Variants in EEF2K observed in about 807,000 individuals in gnomAD.
EEF2K encodes the protein alternative protein EEF2K.
Under a neutral mutation model 93.8 loss-of-function variants are expected in EEF2K, and 70 were observed. The ratio of observed to expected loss-of-function variants is 0.75; its 90% CI spans 0.62 to 0.91. The LOEUF (loss-of-function observed/expected upper bound fraction) is 0.91, where lower values mean the gene tolerates loss of function less well. Among genes scored for constraint, EEF2K ranks in the 40% least tolerant of loss-of-function variants. The pLI is 0.00. For missense variants in EEF2K, 935 were observed against 972.9 expected (o/e 0.96, Z 0.52); for synonymous variants, 376 against 380.8 (o/e 0.99, Z 0.15).
At position 22,285,772 on chromosome 16, in the gene EEF2K, C is replaced by G. The variant is rs1300785176; in HGVS notation, c.*1776C>G. ...AGCAGAGTATAACATACAAACCATT[C>G]TTAACTATTCATTAAAATGGGTCCT... On this transcript the variant is annotated 3_prime_UTR_variant, in exon 18 of 18. Transcript: ENST00000263026. 6.6e-6 allele frequency: 1 copy of G among 152,536 alleles called. No individual in the cohort carries two copies. Among genetic ancestry groups the G allele is most frequent in the Non-Finnish European group, 1.5e-5 (1 of 68,036 alleles). 9.4% of individuals were successfully genotyped at this position (152,536 alleles called of 1,614,324 possible).
chr16:22,235,912 C>T (rs571885221), intron 2 of EEF2K, among the ~76,000 whole-genome samples: 1 of 152,132 alleles, frequency 6.6e-6, no homozygotes, highest in South Asian at 2.1e-4. Flanking sequence ...ATCCTCCCAC[C>T]CCAGCTCCCC....
At chr16:22,219,027 GA>G (rs10707584) in intron 1 of EEF2K, among the ~76,000 whole-genome samples, 64,384 of 151,436 alleles carry the variant, frequency 0.43, 15,585 homozygotes, top group East Asian at 0.88. Context: ...AAGCTTTCAA[GA>G]AAAATCCTGA....
Position 22,257,715 on chromosome 16 carries a change from C to T in EEF2K, c.974C>T (p.Pro325Leu), listed in dbSNP as rs1219770042. Residue 325 changes from proline (P) to leucine (L), a missense_variant, in exon 9 of 18, where the codon CCC becomes CTC. Coordinates refer to ENST00000263026, the MANE Select transcript of EEF2K (RefSeq NM_013302.5). ...ATTTGCGAGAGCATGGGCCTTGCTC[C>T]CTTTGACCTCTCGCCCCGGGAGAGG... ...NRICESMGLA[P>L]FDLSPRERDA... The T allele has an allele frequency of 6.2e-7, 1 of 1,614,024 alleles. No homozygotes were observed. Among genetic ancestry groups the T allele is most frequent in the Non-Finnish European group, 8.5e-7 (1 of 1,180,040 alleles).
At chr16:22,243,267 T>TC (rs2047244046) in intron 2 of EEF2K, among the ~76,000 whole-genome samples, 1 of 131,280 alleles carries the variant, frequency 7.6e-6, no homozygotes, top group Non-Finnish European at 1.6e-5. Flanking sequence ...TTTTTTTTTT[T>TC]CTGAGACAGG....
At chr16:22,269,817 T>C (rs1307920487) in intron 15 of EEF2K, among the ~76,000 whole-genome samples, 2 of 152,186 alleles carry the variant, frequency 1.3e-5, no homozygotes, top group African/African-American at 4.8e-5. Flanking sequence ...TATACAAATA[T>C]GAAATAGGCT....
intron 10 of EEF2K, chr16:22,258,917 T>G: frequency 1.9e-6 from 1 of 513,450 alleles, no homozygotes; most frequent in Non-Finnish European, 3.3e-6. Context: ...CTTTTATCAG[T>G]GTGTTTTATG....
At chr16:22,262,179 C>T (rs953323981) in intron 11 of EEF2K, among the ~76,000 whole-genome samples, 7 of 152,068 alleles carry the variant, frequency 4.6e-5, no homozygotes, top group South Asian at 2.1e-4. Context: ...ATACCAGATT[C>T]GCTTTCAGAA....
chr16:22,228,203 C>T (rs988599810), intron 2 of EEF2K, among the ~76,000 whole-genome samples: 1 of 151,994 alleles, frequency 6.6e-6, no homozygotes, highest in Non-Finnish European at 1.5e-5. Flanking sequence ...AGTGTTATTT[C>T]CCTCTCTGTT....
intron 6 of EEF2K, among the ~76,000 whole-genome samples, chr16:22,254,269 T>C (rs2047378896): frequency 6.6e-6 from 1 of 152,194 alleles, no homozygotes; most frequent in Non-Finnish European, 1.5e-5. Flanking sequence ...GTGGCCCTGC[T>C]GTAAGTTTCC....
chr16:22,264,961 C>A, intron 13 of EEF2K, 81 bp downstream of exon 13: 2 of 1,513,666 alleles, frequency 1.3e-6, no homozygotes, highest in South Asian at 1.1e-5. Context: ...TGTCTCATAT[C>A]TCTGCTGCCT....
intron 16 of EEF2K, 111 bp downstream of exon 16, chr16:22,273,861 G>C (rs553831631): frequency 2.6e-5 from 39 of 1,480,594 alleles, no homozygotes; most frequent in Non-Finnish European, 3.3e-5. Context: ...CCCATGACCA[G>C]TCCAGCAACC....
chr16:22,244,782 T>C, intron 3 of EEF2K, 52 bp downstream of exon 3: 2 of 1,587,644 alleles, frequency 1.3e-6, no homozygotes, highest in Non-Finnish European at 1.7e-6. Context: ...TACGTCCAGC[T>C]TCTGTTCCCA....
intron 2 of EEF2K, 22 bp downstream of exon 2, chr16:22,225,997 C>T: frequency 1.2e-6 from 2 of 1,611,080 alleles, no homozygotes; most frequent in Non-Finnish European, 1.7e-6. Context: ...ACCTATTCCA[C>T]CTTCCCCACC....
chr16:22,259,741 G>A (rs2047443790), intron 10 of EEF2K, among the ~76,000 whole-genome samples: 1 of 151,804 alleles, frequency 6.6e-6, no homozygotes, highest in Non-Finnish European at 1.5e-5. Context: ...GGAGATGGTT[G>A]GTGTTTTTTT....
intron 15 of EEF2K, among the ~76,000 whole-genome samples, chr16:22,273,010 G>C (rs2047599637): frequency 1.3e-5 from 2 of 152,154 alleles, no homozygotes; most frequent in East Asian, 1.9e-4. Flanking sequence ...TTCTGATGCA[G>C]GGCAGGCAGG....
chr16:22,217,011 A>T (rs1482638299), intron 1 of EEF2K, among the ~76,000 whole-genome samples: 1 of 151,634 alleles, frequency 6.6e-6, no homozygotes, highest in African/African-American at 2.4e-5. Flanking sequence ...ATATACAAAA[A>T]TTAGCTGGGT....
intron 2 of EEF2K, among the ~76,000 whole-genome samples, chr16:22,232,754 CATTGCTTACTTTCTAGGTT>C (rs1281093257): frequency 6.6e-6 from 1 of 152,154 alleles, no homozygotes; most frequent in Non-Finnish European, 1.5e-5. Context: ...GTTGGCACTT[CATTGCTTACTTTCTAGGTT>C]ATCGAAAGCA....
chr16:22,253,043 T>TCTGC (rs2047366442), intron 6 of EEF2K, among the ~76,000 whole-genome samples: 1 of 152,152 alleles, frequency 6.6e-6, no homozygotes, highest in South Asian at 2.1e-4. Context: ...GGATACTATG[T>TCTGC]CTGCTCTTTG....
chr16:22,266,664 CCGA>C (rs1360798892), intron 14 of EEF2K, 21 bp from the exon 15 acceptor site: 3 of 1,591,958 alleles, frequency 1.9e-6, no homozygotes, highest in Non-Finnish European at 2.6e-6. Flanking sequence ...GACAGCCAGG[CCGA>C]CACCGTAGTC....
Sources: allele counts gnomAD v4.1 joint callset (sites outside exome capture counted in the v4.1 genomes callset), GRCh38; gene constraint gnomAD v4.1.1; transcripts MANE v1.5; gene names NCBI Gene and HGNC (gene_info 2026-07-23, HGNC 2026-07-21).